The following DCUN1D3 variants were observed in gnomAD, a reference collection of about 807,000 sequenced individuals.
DCUN1D3 encodes the protein defective in cullin neddylation 1 domain containing 3.
In DCUN1D3, 6 loss-of-function variants were observed where a neutral mutation model predicts 24.8. The ratio of observed to expected loss-of-function variants is 0.24; its 90% CI spans 0.13 to 0.48. DCUN1D3 has a LOEUF of 0.48. Ranked by LOEUF, DCUN1D3 falls within the 20% of genes least tolerant of loss-of-function variation. The pLI is 0.99. For synonymous variants in DCUN1D3, 120 were observed against 144.9 expected, an observed-to-expected ratio of 0.83 and a Z score of 1.24; for missense variants, 258 against 379.4, an observed-to-expected ratio of 0.68 and a Z score of 2.66.
chr16:20,899,353 G>C (rs1467419935), intron 1 of DCUN1D3, among the ~76,000 whole-genome samples: 1 of 152,172 alleles, frequency 6.6e-6, no homozygotes, highest in African/African-American at 2.4e-5. Flanking sequence ...CCTTGCAAAG[G>C]CTCTGGAATT....
intron 1 of DCUN1D3, among the ~76,000 whole-genome samples, chr16:20,883,182 T>A (rs1284954374): frequency 2.6e-5 from 4 of 152,064 alleles, no homozygotes; most frequent in African/African-American, 9.7e-5. Context: ...GGTTTCAGAG[T>A]TTCAGTAACT....
Position 20,862,781 on chromosome 16 carries a change from T to A in DCUN1D3, c.-105-138A>T, listed in dbSNP as rs1013266723. The A allele has an allele frequency of 5.0e-6, 4 of 796,250 alleles. No individual in the cohort carries two copies. The African/African-American group carries it at 6.9e-5, about 14-fold the overall frequency. The allele number at this position is 796,250 out of a possible 1,614,324, so 49.3% of individuals were successfully genotyped here. The stretch of plus-strand genomic sequence containing the variant: ...CATGGGAGAGACCCTGAGTTCATCA[T>A]CCCCTTCACAGGCCAGCTCCGTAAC... On this transcript the variant is annotated intron_variant, in intron 1 of 2. Transcript: ENST00000324344.
intron 1 of DCUN1D3, among the ~76,000 whole-genome samples, chr16:20,896,886 C>T (rs2081918437): frequency 6.6e-6 from 1 of 152,158 alleles, no homozygotes; most frequent in African/African-American, 2.4e-5. Context: ...ATTCTGTTTG[C>T]AATCAAATCA....
rs1313461754 is a variant in DCUN1D3 at position 20,900,328 on chromosome 16, T to C, written c.-230A>G. ...CTACCCCCGCCGCCGCCGCCTCTTC[T>C]TCCACCACTGCCACCGCCTCCTCTT... is the stretch of plus-strand genomic sequence containing the variant. On this transcript the variant is annotated 5_prime_UTR_variant, in exon 1 of 3. Transcript: ENST00000324344. The C allele has an allele frequency of 3.3e-5, 5 of 149,834 alleles. No homozygotes were observed. Among genetic ancestry groups the C allele is most frequent in the African/African-American group, 1.2e-4 (5 of 40,714 alleles). 9.3% of individuals were successfully genotyped at this position (149,834 alleles called of 1,614,324 possible). A position where few individuals can be genotyped will look rare whatever the true frequency, so the allele number is the denominator to read the frequency against.
intron 1 of DCUN1D3, among the ~76,000 whole-genome samples, chr16:20,878,667 G>A (rs1382441228): frequency 6.6e-6 from 1 of 152,150 alleles, no homozygotes; most frequent in African/African-American, 2.4e-5. Context: ...CTTTAAATAC[G>A]AATTCAACTG....
At chr16:20,880,616 AAAAAAAAAAAAAACAG>A (rs1303525010) in intron 1 of DCUN1D3, among the ~76,000 whole-genome samples, 1,526 of 149,388 alleles carry the variant, frequency 0.01, 41 homozygotes, top group African/African-American at 0.035. Context: ...AAAAAAAAAA[AAAAAAAAAAAAAACAG>A]AAAAAAGAAA....
intron 1 of DCUN1D3, among the ~76,000 whole-genome samples, chr16:20,870,716 A>C (rs1296677714): frequency 6.6e-6 from 1 of 152,212 alleles, no homozygotes; most frequent in African/African-American, 2.4e-5. Context: ...AGCAGCAAGA[A>C]ACCACTGCCA....
At chr16:20,890,328 G>A (rs540308791) in intron 1 of DCUN1D3, among the ~76,000 whole-genome samples, 4 of 152,200 alleles carry the variant, frequency 2.6e-5, no homozygotes, top group East Asian at 1.9e-4. Context: ...GAGGTAATGC[G>A]TAAGTAATAT....
chr16:20,883,989 G>C (rs1046676035), intron 1 of DCUN1D3, among the ~76,000 whole-genome samples: 7 of 152,114 alleles, frequency 4.6e-5, no homozygotes, highest in Non-Finnish European at 1.0e-4. Flanking sequence ...CTTTATTTTA[G>C]GAGTGAAAAG....
At chr16:20,888,478 G>A (rs2081877006) in intron 1 of DCUN1D3, among the ~76,000 whole-genome samples, 1 of 152,064 alleles carries the variant, frequency 6.6e-6, no homozygotes, top group African/African-American at 2.4e-5. Flanking sequence ...TGTTTGTTTT[G>A]AGCAGGGTCT....
chr16:20,862,641 A>T lies in DCUN1D3; in HGVS notation c.-103T>A. ...ATGCCATCAGCCAGAGGAGCCAGCCAACCTGGAAGGAAATTAGAAAGCCAT... is the reference window on the plus strand; with the variant it reads ...ATGCCATCAGCCAGAGGAGCCAGCCTACCTGGAAGGAAATTAGAAAGCCAT... On this transcript the variant is annotated splice_region_variant and 5_prime_UTR_variant, in exon 2 of 3. Transcript: ENST00000324344. The T allele has an allele frequency of 6.6e-7, 1 of 1,516,244 alleles. No homozygotes were observed. Among genetic ancestry groups the T allele is most frequent in the Non-Finnish European group, 8.7e-7 (1 of 1,143,344 alleles). 93.9% of individuals were successfully genotyped at this position (1,516,244 alleles called of 1,614,324 possible). A position where few individuals can be genotyped will look rare whatever the true frequency, so the allele number is the denominator to read the frequency against.
chr16:20,894,661 T>C (rs1168154994), intron 1 of DCUN1D3, among the ~76,000 whole-genome samples: 2 of 152,220 alleles, frequency 1.3e-5, no homozygotes, highest in Non-Finnish European at 2.9e-5. Flanking sequence ...CTCAGGAAGG[T>C]AGACGAAGTC....
intron 1 of DCUN1D3, among the ~76,000 whole-genome samples, chr16:20,884,804 C>A (rs372941595): frequency 1.3e-5 from 2 of 152,092 alleles, no homozygotes; most frequent in East Asian, 3.9e-4. Context: ...GAGAGTTTCT[C>A]ATTATGAAGT....
At chr16:20,898,100 C>CT (rs2081926322) in intron 1 of DCUN1D3, among the ~76,000 whole-genome samples, 1 of 152,192 alleles carries the variant, frequency 6.6e-6, no homozygotes, top group Admixed American at 6.5e-5. Flanking sequence ...TACCCTGACC[C>CT]TTTCTTCCCA....
At chr16:20,874,718 T>C (rs1480200891) in intron 1 of DCUN1D3, among the ~76,000 whole-genome samples, 1 of 152,184 alleles carries the variant, frequency 6.6e-6, no homozygotes, top group Non-Finnish European at 1.5e-5. Context: ...ATTAAGAAAG[T>C]GTTTAAGTTT....
chr16:20,882,346 G>A lies in DCUN1D3; in HGVS notation c.-106+17858C>T, dbSNP rs574495213. Among the ~76,000 whole-genome samples, 14 of 148,978 alleles carry A rather than the reference G, an allele frequency of 9.4e-5. No homozygotes were observed. In the East Asian group the frequency reaches 1.0e-3, roughly 11 times the overall value. ...CAGCTCACCAAAACCTCCACCTCCC[G>A]GGTTCAAGCAATTCTCCTGCCTCAG... On this transcript the variant is annotated intron_variant, in intron 1 of 2. Coordinates refer to ENST00000324344, the MANE Select transcript of DCUN1D3 (RefSeq NM_173475.4).
At chr16:20,876,445 A>G (rs1463140085) in intron 1 of DCUN1D3, among the ~76,000 whole-genome samples, 1 of 152,190 alleles carries the variant, frequency 6.6e-6, no homozygotes, top group Non-Finnish European at 1.5e-5. Context: ...AAAAAAAAAA[A>G]AACAGAATAA....
intron 1 of DCUN1D3, among the ~76,000 whole-genome samples, chr16:20,883,943 G>T (rs754862112): frequency 1.6e-4 from 25 of 152,144 alleles, no homozygotes; most frequent in Non-Finnish European, 2.4e-4. Flanking sequence ...ACTTGAAGTT[G>T]CCATGAATAT....
chr16:20,861,326 A>G (rs1425833153), intron 2 of DCUN1D3, among the ~76,000 whole-genome samples: 2 of 150,564 alleles, frequency 1.3e-5, no homozygotes, highest in Non-Finnish European at 3.0e-5. Flanking sequence ...AGAGAGGCGT[A>G]TCCCCTCCCC....
Sources: gnomAD v4.1 joint callset for allele counts (sites outside exome capture counted in the v4.1 genomes callset) on GRCh38, gnomAD v4.1.1 for gene constraint, MANE v1.5 for transcripts, NCBI Gene and HGNC (gene_info 2026-07-23, HGNC 2026-07-21) for gene names.